Variants in RAB38 observed in about 807,000 individuals in gnomAD.
RAB38 encodes ras-related protein Rab-38.
A neutral mutation model predicts 18.4 loss-of-function variants in RAB38; 15 were observed. That is an observed-to-expected ratio of 0.82 (90% CI 0.55 to 1.26). RAB38 has a LOEUF of 1.26. RAB38 is among the 50% of genes most tolerant of loss of function. RAB38 has a pLI of 0.00. For missense variants in RAB38, 294 were observed against 267.4 expected (o/e 1.10, Z -0.69); for synonymous variants, 101 against 104.4 (o/e 0.97, Z 0.20).
At chr11:87,912,410 T>C in the RAB38 span, among the ~76,000 whole-genome samples, 22 of 152,142 alleles carry the variant, frequency 1.4e-4, no homozygotes, top group African/African-American at 5.3e-4. Context: ...CTATTTCTTT[T>C]TGCATGAGCT....
At chr11:88,148,498 C>A (rs947856182) in intron 2 of RAB38, among the ~76,000 whole-genome samples, 7 of 152,222 alleles carry the variant, frequency 4.6e-5, no homozygotes, top group Non-Finnish European at 1.0e-4. Context: ...TCCTGGTTCA[C>A]TGCCCTCCAA....
the RAB38 span, among the ~76,000 whole-genome samples, chr11:87,813,530 C>G: frequency 6.6e-6 from 1 of 150,728 alleles, no homozygotes; most frequent in Non-Finnish European, 1.5e-5. Context: ...CACACACACA[C>G]ACACATCTCT....
chr11:87,880,239 A>T, the RAB38 span: 2 of 151,944 alleles, frequency 1.3e-5, no homozygotes, highest in East Asian at 3.9e-4. Context: ...CTTTCTTGGC[A>T]TACAAAATGA....
downstream of RAB38, among the ~76,000 whole-genome samples, chr11:88,112,660 G>A (rs1235139771): frequency 1.3e-5 from 2 of 152,060 alleles, no homozygotes; most frequent in East Asian, 1.9e-4. Flanking sequence ...TGTAGTCCCA[G>A]CTACTCAGGA....
chr11:87,955,873 GCACACACA>G, the RAB38 span, among the ~76,000 whole-genome samples: 9,921 of 148,580 alleles, frequency 0.067, 358 homozygotes, highest in African/African-American at 0.077. Context: ...CAAACAGTAT[GCACACACA>G]CACACACACA....
chr11:87,954,003 A>G, the RAB38 span, among the ~76,000 whole-genome samples: 1 of 152,168 alleles, frequency 6.6e-6, no homozygotes, highest in Non-Finnish European at 1.5e-5. Flanking sequence ...GGAGGAAATG[A>G]TATGAGCAAA....
the RAB38 span, among the ~76,000 whole-genome samples, chr11:87,883,163 A>G: frequency 1.1e-4 from 16 of 151,820 alleles, no homozygotes; most frequent in African/African-American, 3.6e-4. Flanking sequence ...AGCAAATTTG[A>G]TTTGCATCAT....
At chr11:88,145,494 G>C (rs777248904) in intron 2 of RAB38, among the ~76,000 whole-genome samples, 9 of 152,074 alleles carry the variant, frequency 5.9e-5, no homozygotes, top group Non-Finnish European at 1.2e-4. Flanking sequence ...GAGTGGGTGT[G>C]ATTTTACAGA....
chr11:88,034,327 T>A, the RAB38 span, among the ~76,000 whole-genome samples: 3 of 152,250 alleles, frequency 2.0e-5, no homozygotes, highest in Non-Finnish European at 4.4e-5. Flanking sequence ...TATGTATTGG[T>A]TTTTGTGTGA....
chr11:87,927,255 C>G, the RAB38 span, among the ~76,000 whole-genome samples: 3 of 152,018 alleles, frequency 2.0e-5, no homozygotes, highest in African/African-American at 7.2e-5. Flanking sequence ...ATTCCTACAC[C>G]CCAGTATTCA....
At chr11:87,937,344 A>C in the RAB38 span, among the ~76,000 whole-genome samples, 1 of 137,314 alleles carries the variant, frequency 7.3e-6, no homozygotes, top group African/African-American at 2.8e-5. Context: ...ATATATATAT[A>C]TATATATCAT....
At chr11:87,838,664 C>T in the RAB38 span, among the ~76,000 whole-genome samples, 32 of 152,246 alleles carry the variant, frequency 2.1e-4, no homozygotes, top group East Asian at 7.7e-4. Context: ...ATAAATAAAA[C>T]GCCAGTGATG....
chr11:88,105,224 C>T, the RAB38 span, among the ~76,000 whole-genome samples: 5 of 151,958 alleles, frequency 3.3e-5, no homozygotes, highest in Admixed American at 1.3e-4. Flanking sequence ...AAAAAGTATT[C>T]ATGTGCTTTA....
the RAB38 span, among the ~76,000 whole-genome samples, chr11:87,811,990 G>A: frequency 1.3e-5 from 2 of 152,114 alleles, no homozygotes; most frequent in Non-Finnish European, 2.9e-5. Context: ...AATACATTTT[G>A]TATCCTTGTG....
the RAB38 span, among the ~76,000 whole-genome samples, chr11:88,041,933 T>A: frequency 1.3e-5 from 2 of 152,060 alleles, no homozygotes; most frequent in Non-Finnish European, 1.5e-5. Flanking sequence ...TTACAAGCTA[T>A]GAGGTGCCAG....
At chr11:87,893,190 T>C in the RAB38 span, among the ~76,000 whole-genome samples, 1 of 151,148 alleles carries the variant, frequency 6.6e-6, no homozygotes, top group African/African-American at 2.4e-5. Flanking sequence ...AGACCAGTTC[T>C]CTCATAAGGC....
At chr11:88,123,845 G>A (rs1942658931) in intron 2 of RAB38, among the ~76,000 whole-genome samples, 1 of 152,194 alleles carries the variant, frequency 6.6e-6, no homozygotes, top group Non-Finnish European at 1.5e-5. Context: ...CGACTATATA[G>A]TACATATAAT....
At chr11:88,014,193 C>T in the RAB38 span, among the ~76,000 whole-genome samples, 1 of 152,052 alleles carries the variant, frequency 6.6e-6, no homozygotes, top group Non-Finnish European at 1.5e-5. Context: ...TGTCTTATTT[C>T]TATACTCCAT....
At chr11:87,901,984 G>C in the RAB38 span, among the ~76,000 whole-genome samples, 1 of 150,222 alleles carries the variant, frequency 6.7e-6, no homozygotes, top group African/African-American at 2.4e-5. Context: ...GAAGGAGAAG[G>C]CAAAACAAAA....
Sources: allele counts gnomAD v4.1 joint callset (sites outside exome capture counted in the v4.1 genomes callset), GRCh38; gene constraint gnomAD v4.1.1; transcripts MANE v1.5; gene names NCBI Gene and HGNC (gene_info 2026-07-23, HGNC 2026-07-21).